GRIK4: variants seen among roughly 807,000 people sequenced by gnomAD.
The protein encoded by GRIK4 is glutamate ionotropic receptor kainate type subunit 4.
A neutral mutation model predicts 104.9 loss-of-function variants in GRIK4; 40 were observed. The ratio of observed to expected loss-of-function variants is 0.38; its 90% CI spans 0.30 to 0.50. GRIK4 has a LOEUF of 0.50. GRIK4 is among the 20% of genes least tolerant of loss of function. GRIK4 has a pLI of 0.93. For synonymous variants in GRIK4, 485 were observed against 524.9 expected, an observed-to-expected ratio of 0.92 and a Z score of 1.04; for missense variants, 1,047 against 1,308.1, an observed-to-expected ratio of 0.80 and a Z score of 3.08.
At chr11:120,790,863 G>C (rs1952380273) in intron 3 of GRIK4, among the ~76,000 whole-genome samples, 1 of 152,212 alleles carries the variant, frequency 6.6e-6, no homozygotes, top group African/African-American at 2.4e-5. Context: ...ATGCAAGGCA[G>C]CTCTGCCAGG....
chr11:120,660,149 C>T (rs189662922), intron 2 of GRIK4, 120 bp from the exon 3 acceptor site: 100 of 597,902 alleles, frequency 1.7e-4, no homozygotes, highest in African/African-American at 1.7e-3. Flanking sequence ...CTTCTTTGAG[C>T]CCGGCATGTA....
rs567884950 is a variant in GRIK4, at chr11:120,936,095, T to C, written c.1477-4252T>C. ...CTCCTCCTCTTCATCTTCCTTGTTT[T>C]CCGCCTCTTCCTTTTTTTTCCTTGC... On this transcript the variant is annotated intron_variant, in intron 13 of 20. Transcript: ENST00000527524. The C allele has an allele frequency of 3.4e-4, 77 of 228,654 alleles. 1 individual carries two copies. The highest frequency in any genetic ancestry group is 1.7e-3 in the African/African-American group (75 of 43,076). 14.2% of individuals were successfully genotyped at this position (228,654 alleles called of 1,614,324 possible). A position where few individuals can be genotyped will look rare whatever the true frequency, so the allele number is the denominator to read the frequency against.
chr11:120,864,734 G>A (rs752637843), intron 9 of GRIK4, among the ~76,000 whole-genome samples: 1 of 152,180 alleles, frequency 6.6e-6, no homozygotes. Context: ...CATTGGCCAC[G>A]AGCAGACAGA....
At chr11:120,932,275 C>T (rs1197792266) in intron 13 of GRIK4, among the ~76,000 whole-genome samples, 2 of 151,774 alleles carry the variant, frequency 1.3e-5, no homozygotes, top group African/African-American at 2.4e-5. Flanking sequence ...GCACCTTGCA[C>T]ACTGCCTGGT....
intron 9 of GRIK4, chr11:120,872,121 C>T (rs946004904): frequency 1.5e-5 from 5 of 343,978 alleles, no homozygotes; most frequent in African/African-American, 8.6e-5. Context: ...GGGGCACAGC[C>T]CCTGCCCTCA....
chr11:120,540,716 G>A (rs1948024785), intron 1 of GRIK4, among the ~76,000 whole-genome samples: 1 of 152,180 alleles, frequency 6.6e-6, no homozygotes, highest in Admixed American at 6.5e-5. Flanking sequence ...GGGGTGGGAA[G>A]CTTCCTGAGT....
At chr11:120,753,789 G>A (rs532067293) in intron 3 of GRIK4, among the ~76,000 whole-genome samples, 9 of 152,244 alleles carry the variant, frequency 5.9e-5, no homozygotes, top group South Asian at 4.2e-4. Context: ...TTAAACAGCT[G>A]TGCTGAGATG....
At chr11:120,711,593 G>A (rs563246663) in intron 3 of GRIK4, among the ~76,000 whole-genome samples, 23 of 152,146 alleles carry the variant, frequency 1.5e-4, no homozygotes, top group Non-Finnish European at 2.9e-4. Flanking sequence ...AGGCAGAAAG[G>A]GGCCTCCAAG....
chr11:120,898,697 G>A, intron 12 of GRIK4, 58 bp downstream of exon 12: 2 of 929,224 alleles, frequency 2.2e-6, no homozygotes, highest in South Asian at 2.7e-5. Flanking sequence ...CCCCGGCTCT[G>A]AGCACTCACA....
intron 3 of GRIK4, among the ~76,000 whole-genome samples, chr11:120,785,691 G>A (rs541781553): frequency 6.6e-6 from 1 of 152,330 alleles, no homozygotes; most frequent in East Asian, 1.9e-4. Flanking sequence ...GTTACAGGAT[G>A]AGAGGAGACT....
intron 3 of GRIK4, among the ~76,000 whole-genome samples, chr11:120,797,332 C>T (rs905353954): frequency 4.6e-5 from 7 of 152,274 alleles, no homozygotes; most frequent in South Asian, 2.1e-4. Flanking sequence ...GCTGGGGACT[C>T]GGAGCGTCCC....
intron 3 of GRIK4, among the ~76,000 whole-genome samples, chr11:120,684,876 A>T: frequency 6.6e-6 from 1 of 152,044 alleles, no homozygotes; most frequent in East Asian, 1.9e-4. Flanking sequence ...CGCCCGGCTA[A>T]TTTTTTGTAT....
chr11:120,894,746 T>A (rs1033889200), intron 11 of GRIK4: 3 of 152,286 alleles, frequency 2.0e-5, no homozygotes, highest in Non-Finnish European at 4.4e-5. Flanking sequence ...GCAAAGGGAT[T>A]TGGCCGGAGG....
chr11:120,583,022 A>G (rs999125773), intron 1 of GRIK4, among the ~76,000 whole-genome samples: 2 of 151,924 alleles, frequency 1.3e-5, no homozygotes, highest in African/African-American at 4.8e-5. Flanking sequence ...AGCATCTGTT[A>G]TTTTTTTACT....
chr11:120,831,804 G>A (rs748899366), intron 6 of GRIK4, 48 bp from the exon 7 acceptor site: 1 of 1,493,712 alleles, frequency 6.7e-7, no homozygotes, highest in African/African-American at 1.4e-5. Flanking sequence ...GGTGTCTCTA[G>A]AGGCAGCTCT....
intron 1 of GRIK4, among the ~76,000 whole-genome samples, chr11:120,521,121 T>C (rs185195002): frequency 2.6e-5 from 4 of 152,256 alleles, no homozygotes; most frequent in Admixed American, 2.0e-4. Flanking sequence ...AGAGTTTCAC[T>C]CTCACCCAGG....
intron 3 of GRIK4, among the ~76,000 whole-genome samples, chr11:120,791,927 A>G (rs1052591704): frequency 6.6e-6 from 1 of 152,202 alleles, no homozygotes; most frequent in Non-Finnish European, 1.5e-5. Flanking sequence ...AGAAGTTGGC[A>G]TAGAATCCCT....
chr11:120,873,423 C>T (rs984449683), intron 9 of GRIK4: 1 of 152,364 alleles, frequency 6.6e-6, no homozygotes, highest in Non-Finnish European at 1.5e-5. Context: ...TGTGGACCTA[C>T]CACACTCTGT....
intron 3 of GRIK4, among the ~76,000 whole-genome samples, chr11:120,732,406 C>T (rs1034275919): frequency 3.3e-5 from 5 of 152,198 alleles, no homozygotes; most frequent in African/African-American, 1.2e-4. Context: ...GCTGGGATTA[C>T]AGGTGTGAGC....
Sources: gnomAD v4.1 joint callset for allele counts (sites outside exome capture counted in the v4.1 genomes callset) on GRCh38, gnomAD v4.1.1 for gene constraint, MANE v1.5 for transcripts, NCBI Gene and HGNC (gene_info 2026-07-23, HGNC 2026-07-21) for gene names.